The following CTNNA1 variants were observed in gnomAD, a reference collection of about 807,000 sequenced individuals.
CTNNA1 encodes the protein catenin alpha-1.
Under a neutral mutation model 98.4 loss-of-function variants are expected in CTNNA1, and 37 were observed. That is an observed-to-expected ratio of 0.38 (90% CI 0.29 to 0.49). CTNNA1 has a LOEUF of 0.49. Ranked by LOEUF, CTNNA1 falls within the 20% of genes least tolerant of loss-of-function variation. The probability of loss-of-function intolerance (pLI) is 0.95; values close to 1 mark genes in which losing one functional copy is unlikely to be tolerated. For missense variants in CTNNA1, 761 were observed against 1,147.2 expected, an observed-to-expected ratio of 0.66 and a Z score of 4.86; for synonymous variants, 404 against 413.2, an observed-to-expected ratio of 0.98 and a Z score of 0.27.
chr5:138,760,371 C>CTT (rs111615984), intron 1 of CTNNA1, among the ~76,000 whole-genome samples: 43 of 147,036 alleles, frequency 2.9e-4, no homozygotes, highest in Admixed American at 8.8e-4. Context: ...TCCATTCATA[C>CTT]TTTTTTTTTT....
At chr5:138,867,672 GA>G (rs1258787983) in intron 7 of CTNNA1, among the ~76,000 whole-genome samples, 1 of 152,006 alleles carries the variant, frequency 6.6e-6, no homozygotes, top group African/African-American at 2.4e-5. Flanking sequence ...AAGACAACAA[GA>G]AGGATGAAGG....
chr5:138,857,687 G>A lies in CTNNA1; in HGVS notation c.1063-28525G>A, dbSNP rs139999637. On this transcript the variant is annotated intron_variant, in intron 7 of 17. Transcript: ENST00000302763. ...TGTCCATTTGTATTTAACCATCAAA[G>A]CATGAAGCATGGTACTGTTAATGCA... Among the ~76,000 whole-genome samples the A allele has an allele frequency of 4.4e-3, 675 of 152,234 alleles. 10 individuals carry two copies. Among genetic ancestry groups the A allele is most frequent in the African/African-American group, 0.01 (435 of 41,538 alleles).
intron 13 of CTNNA1, 126 bp from the exon 14 acceptor site, chr5:138,929,120 G>A (rs1764759560): frequency 4.0e-6 from 3 of 755,580 alleles, no homozygotes; most frequent in East Asian, 4.9e-5. Flanking sequence ...TCACCATACT[G>A]TTCAGAACAC....
chr5:138,896,608 G>C (rs535846636), intron 9 of CTNNA1, among the ~76,000 whole-genome samples: 10 of 152,310 alleles, frequency 6.6e-5, no homozygotes, highest in South Asian at 4.1e-4. Context: ...GCAGGAGCCA[G>C]AGGGCTGGTA....
chr5:138,782,111 T>TA, intron 2 of CTNNA1, 82 bp downstream of exon 2: 1 of 1,331,174 alleles, frequency 7.5e-7, no homozygotes, highest in Non-Finnish European at 1.0e-6. Flanking sequence ...CAAGGTTATT[T>TA]AGTTCAAAGC....
intron 5 of CTNNA1, among the ~76,000 whole-genome samples, chr5:138,824,144 C>T (rs1760395506): frequency 6.6e-6 from 1 of 151,832 alleles, no homozygotes; most frequent in South Asian, 2.1e-4. Flanking sequence ...TATTTAATGC[C>T]TTATTTAGTG....
At chr5:138,884,311 G>A (rs1023165322) in intron 7 of CTNNA1, among the ~76,000 whole-genome samples, 1 of 152,110 alleles carries the variant, frequency 6.6e-6, no homozygotes, top group East Asian at 1.9e-4. Context: ...AAATGGAGGC[G>A]GGAAGCCAAG....
chr5:138,905,117 T>TACATACATACATACATACAA (rs1758948123), intron 10 of CTNNA1, among the ~76,000 whole-genome samples: 1 of 145,014 alleles, frequency 6.9e-6, no homozygotes, highest in Admixed American at 6.9e-5. Context: ...AAAAAATACA[T>TACATACATACATACATACAA]ACATACATAC....
chr5:138,764,651 A>G (rs1561498708), intron 1 of CTNNA1, among the ~76,000 whole-genome samples: 1 of 150,420 alleles, frequency 6.6e-6, no homozygotes, highest in Admixed American at 6.6e-5. Context: ...TTGTATTTTT[A>G]TTAGAGACGG....
chr5:138,780,439 C>A (rs181623146), intron 1 of CTNNA1, among the ~76,000 whole-genome samples: 3 of 151,448 alleles, frequency 2.0e-5, no homozygotes, highest in East Asian at 1.9e-4. Context: ...ATGATCTGCC[C>A]GCCTCAGCCT....
chr5:138,929,413 T>C (rs1346522277), intron 14 of CTNNA1, 57 bp downstream of exon 14: 6 of 855,006 alleles, frequency 7.0e-6, no homozygotes. Flanking sequence ...CCCTGTCCCC[T>C]TTCTTGTTTC....
At position 138,929,259 on chromosome 5, in the gene CTNNA1, T is replaced by C; in HGVS notation, c.1913T>C (p.Leu638Ser). 1.3e-6 allele frequency: 2 copies of C among 1,596,828 alleles called. No homozygotes were observed. Among genetic ancestry groups the C allele is most frequent in the African/African-American group, 1.3e-5 (1 of 74,666 alleles). ...AVLMIRTPEE[L>S]DDSDFETEDF... is the part of the protein sequence containing the mutation. ...TCTGGGTGGCAGACCCCTGAGGAGT[T>C]GGATGACTCTGACTTTGAGACAGAA... Residue 638 changes from leucine to serine, a missense_variant, in exon 14 of 18, where the codon TTG (leucine) becomes TCG (serine). Physicochemically the swap from Leu to Ser is moderately radical, Grantham distance 145. Coordinates refer to ENST00000302763, the MANE Select transcript of CTNNA1 (RefSeq NM_001903.5).
In CTNNA1 at chr5:138,874,995, A is replaced by C; in HGVS notation, c.1063-11217A>C. ...TCTGTAAAAGGCTCTAACATGTAGG[A>C]GCCTTTGACCAGTTTCCTGTTTTCT... On this transcript the variant is annotated intron_variant, in intron 7 of 17. Transcript: ENST00000302763. The surrounding 1 kb of genome is among the most constrained non-coding windows in gnomAD (Gnocchi z 4.1). 1.4e-6 allele frequency: 2 copies of C among 1,402,704 alleles called. No homozygotes were observed. The highest frequency in any genetic ancestry group is 1.8e-4 in the Middle Eastern group (1 of 5,620). 86.9% of individuals were successfully genotyped at this position (1,402,704 alleles called of 1,614,324 possible).
chr5:138,799,760 T>C (rs952153371), intron 3 of CTNNA1, among the ~76,000 whole-genome samples: 18 of 152,142 alleles, frequency 1.2e-4, no homozygotes, highest in African/African-American at 4.3e-4. Context: ...TACAGTGTGT[T>C]TCTGATGTAT....
At chr5:138,838,982 T>C (rs1046306602) in intron 7 of CTNNA1, among the ~76,000 whole-genome samples, 1 of 152,086 alleles carries the variant, frequency 6.6e-6, no homozygotes, top group Admixed American at 6.5e-5. Context: ...TCCTCGAGTC[T>C]TCTTCTTTGA....
At chr5:138,793,996 T>A (rs960975623) in intron 3 of CTNNA1, among the ~76,000 whole-genome samples, 2 of 150,386 alleles carry the variant, frequency 1.3e-5, no homozygotes, top group African/African-American at 4.9e-5. Flanking sequence ...ATATTAAATG[T>A]TTATTTCCTG....
At position 138,934,512 on chromosome 5, in the gene CTNNA1, C is replaced by T. The variant is rs1350229781; in HGVS notation, c.*423C>T. ...ATGACCAAAGATGACCTGTGGTAAG[C>T]AACCTGGGCATCTTAGGAAGCAGTC... On this transcript the variant is annotated 3_prime_UTR_variant, in exon 18 of 18. Transcript: ENST00000302763. 1 of 162,832 alleles carries T rather than the reference C, an allele frequency of 6.1e-6. No individual in the cohort carries two copies. Among genetic ancestry groups the T allele is most frequent in the Non-Finnish European group, 1.3e-5 (1 of 75,158 alleles). The allele number at this position is 162,832 out of a possible 1,614,324, so 10.1% of individuals were successfully genotyped here.
chr5:138,773,598 T>C (rs1327602148), intron 1 of CTNNA1, among the ~76,000 whole-genome samples: 2 of 152,016 alleles, frequency 1.3e-5, no homozygotes, highest in African/African-American at 4.8e-5. Flanking sequence ...ATACACTGAG[T>C]TCTCAATTTT....
rs148227580 is a variant in CTNNA1, at chr5:138,775,430, A to G, written c.-2-6493A>G. ...TAGACAGCAAATTCATCTACCTTCA[A>G]TGAAACAGATGACTGGGACACAGGC... On this transcript the variant is annotated intron_variant, in intron 1 of 17. Coordinates refer to ENST00000302763, the MANE Select transcript of CTNNA1 (RefSeq NM_001903.5). Among the ~76,000 whole-genome samples, 726 of 152,318 alleles carry G rather than the reference A, an allele frequency of 4.8e-3. 3 individuals are homozygous for G. Among genetic ancestry groups the G allele is most frequent in the African/African-American group, 0.015 (610 of 41,566 alleles).
Sources: allele counts gnomAD v4.1 joint callset (sites outside exome capture counted in the v4.1 genomes callset), GRCh38; gene constraint gnomAD v4.1.1; non-coding constraint Gnocchi (gnomAD v3.1); transcripts MANE v1.5; gene names NCBI Gene and HGNC (gene_info 2026-07-23, HGNC 2026-07-21).